The following ABL1 variants were observed in gnomAD, a reference collection of about 807,000 sequenced individuals.
ABL1 encodes ABL proto-oncogene 1, non-receptor tyrosine kinase, also known as tyrosine-protein kinase ABL1.
ABL1 carries 11 observed loss-of-function variants against 94.7 expected under a neutral mutation model. That is an observed-to-expected ratio of 0.12 (90% CI 0.07 to 0.19). ABL1 has a LOEUF of 0.19. Ranked by LOEUF, ABL1 falls within the 10% of genes least tolerant of loss-of-function variation. ABL1 has a pLI of 1.00. For missense variants in ABL1, 1,082 were observed against 1,489.4 expected (o/e 0.73, Z 4.50); for synonymous variants, 656 against 622.4 (o/e 1.05, Z -0.80).
intron 1 of ABL1, among the ~76,000 whole-genome samples, chr9:130,801,941 T>C (rs1267882288): frequency 6.6e-6 from 1 of 152,186 alleles, no homozygotes; most frequent in East Asian, 1.9e-4. Flanking sequence ...AGTATCTGCG[T>C]ATCATTAAGT....
At chr9:130,767,435 C>T (rs1832198083) in intron 1 of ABL1, among the ~76,000 whole-genome samples, 1 of 152,148 alleles carries the variant, frequency 6.6e-6, no homozygotes, top group African/African-American at 2.4e-5. Context: ...CGGGTTCAAG[C>T]GATTCTTGTG....
intron 1 of ABL1, among the ~76,000 whole-genome samples, chr9:130,726,259 T>C (rs1382582461): frequency 7.0e-6 from 1 of 143,666 alleles, no homozygotes; most frequent in Non-Finnish European, 1.5e-5. Flanking sequence ...TGCATTCCAC[T>C]ATCTTGCTTA....
Position 130,854,883 on chromosome 9 carries a change from A to G in ABL1, c.336A>G (p.Pro112=). 1 of 1,614,264 alleles carries G rather than the reference A, an allele frequency of 6.2e-7. No individual in the cohort carries two copies. Among genetic ancestry groups the G allele is most frequent in the Non-Finnish European group, 8.5e-7 (1 of 1,180,046 alleles). Residue 112 remains proline (P), a synonymous_variant, in exon 3 of 11, where the codon CCA becomes CCG. Coordinates refer to ENST00000318560, the MANE Select transcript of ABL1 (RefSeq NM_005157.6). ...AQTKNGQGWV[P]SNYITPVNSL... ...CCAAAAATGGCCAAGGCTGGGTCCC[A>G]AGCAACTACATCACGCCAGTCAACA...
At chr9:130,868,520 C>CTTTTTTTTTTTTTTTTT (rs71389371) in intron 4 of ABL1, among the ~76,000 whole-genome samples, 2 of 112,114 alleles carry the variant, frequency 1.8e-5, no homozygotes, top group Admixed American at 9.2e-5. Flanking sequence ...TTTTCTTTTT[C>CTTTTTTTTTTTTTTTTT]TTTTTTTTTT....
At chr9:130,809,399 AGAGAGAGAGAGAGAGAGAGT>A (rs914470613) in intron 1 of ABL1, among the ~76,000 whole-genome samples, 15 of 123,602 alleles carry the variant, frequency 1.2e-4, no homozygotes, top group Middle Eastern at 3.7e-3. Context: ...AGAGAGAGAG[AGAGAGAGAGAGAGAGAGAGT>A]GTGTGTGTGT....
intron 4 of ABL1, among the ~76,000 whole-genome samples, chr9:130,866,844 A>G (rs746069175): frequency 4.6e-5 from 7 of 152,062 alleles, no homozygotes; most frequent in Non-Finnish European, 1.0e-4. Context: ...AAGAAGCTCT[A>G]ATTTTTTTTG....
chr9:130,800,942 C>CT (rs1830046499), intron 1 of ABL1, among the ~76,000 whole-genome samples: 1 of 103,730 alleles, frequency 9.6e-6, no homozygotes. Flanking sequence ...TTTTTTTTTT[C>CT]TTTTTTTTGA....
At chr9:130,830,017 T>A (rs912706411) in intron 1 of ABL1, among the ~76,000 whole-genome samples, 4 of 152,236 alleles carry the variant, frequency 2.6e-5, no homozygotes, top group African/African-American at 9.6e-5. Flanking sequence ...TGTTTTTTAT[T>A]ACCAGATTTT....
At chr9:130,839,130 C>T (rs774636855) in intron 1 of ABL1, among the ~76,000 whole-genome samples, 4 of 151,598 alleles carry the variant, frequency 2.6e-5, no homozygotes, top group Admixed American at 1.3e-4. Context: ...CTAGTTTGCC[C>T]GGGCCAAGCC....
In ABL1 at chr9:130,777,409, C is replaced by T. The variant is rs112784917; in HGVS notation, c.136+62954C>T. Among the ~76,000 whole-genome samples, 778 of 97,252 alleles carry T rather than the reference C, an allele frequency of 8.0e-3. No individual in the cohort carries two copies. The Middle Eastern group carries it at 0.082, about 10-fold the overall frequency. 63.8% of individuals were successfully genotyped at this position (97,252 alleles called of 152,430 possible). A position where few individuals can be genotyped will look rare whatever the true frequency, so the allele number is the denominator to read the frequency against. On this transcript the variant is annotated intron_variant, in intron 1 of 10. Transcript: ENST00000372348. ...GGACGCTGACACACTGCATTAGTAC[C>T]TTCTAGACTATGAGCAGGGGAATCG...
At chr9:130,836,185 C>A (rs190193280) in intron 1 of ABL1, among the ~76,000 whole-genome samples, 10 of 152,260 alleles carry the variant, frequency 6.6e-5, no homozygotes, top group Admixed American at 6.5e-4. Context: ...TTTAAGAAGG[C>A]GTTTCCAAGG....
chr9:130,827,477 A>C (rs962453739), intron 1 of ABL1, among the ~76,000 whole-genome samples: 1 of 152,228 alleles, frequency 6.6e-6, no homozygotes, highest in Non-Finnish European at 1.5e-5. Flanking sequence ...TGGCCTGCCA[A>C]ATCTCTCTAG....
At chr9:130,859,941 A>T (rs1588271267) in intron 3 of ABL1, among the ~76,000 whole-genome samples, 2 of 152,082 alleles carry the variant, frequency 1.3e-5, no homozygotes, top group Admixed American at 1.3e-4. Context: ...GGCCTCCCAA[A>T]GTGCTGGGAT....
chr9:130,823,598 C>T (rs537956090), intron 1 of ABL1, among the ~76,000 whole-genome samples: 10 of 152,244 alleles, frequency 6.6e-5, no homozygotes, highest in African/African-American at 1.4e-4. Context: ...AAAATGCCCA[C>T]GCCAGCTGCC....
chr9:130,780,641 G>T (rs934382676), intron 1 of ABL1, among the ~76,000 whole-genome samples: 1 of 152,106 alleles, frequency 6.6e-6, no homozygotes, highest in Non-Finnish European at 1.5e-5. Flanking sequence ...CAGGAAGGAG[G>T]AGTTTTCTTT....
upstream of ABL1, chr9:130,833,915 A>G (rs1830524411): frequency 2.3e-6 from 1 of 429,878 alleles, no homozygotes; most frequent in Admixed American, 2.4e-5. Context: ...TCTGAAACAT[A>G]TAATGACAAT....
rs1014835753 is a variant in ABL1, at chr9:130,886,000, C to T, written c.*317C>T. On this transcript the variant is annotated 3_prime_UTR_variant, in exon 11 of 11. Coordinates refer to ENST00000318560, the MANE Select transcript of ABL1 (RefSeq NM_005157.6). The stretch of plus-strand genomic sequence containing the variant: ...CCCACCTAGTGCCCCAGACTGAGCT[C>T]TCCAGGCCAGGTGGGAACGGCTGAT... 16 of 368,316 alleles carry T rather than the reference C, an allele frequency of 4.3e-5. No individual in the cohort carries two copies. The highest frequency in any genetic ancestry group is 6.9e-5 in the Non-Finnish European group (14 of 203,156). 22.8% of individuals were successfully genotyped at this position (368,316 alleles called of 1,614,324 possible). A position where few individuals can be genotyped will look rare whatever the true frequency, so the allele number is the denominator to read the frequency against.
chr9:130,840,969 T>G (rs747314117), intron 1 of ABL1, among the ~76,000 whole-genome samples: 7 of 152,216 alleles, frequency 4.6e-5, no homozygotes, highest in Non-Finnish European at 1.0e-4. Context: ...TAATTATAAT[T>G]ACTTAGTTTT....
Position 130,862,763 on chromosome 9 carries a change from C to T in ABL1, c.550C>T (p.Leu184Phe). 6.2e-7 allele frequency: 1 copy of T among 1,613,350 alleles called. No homozygotes were observed. The highest frequency in any genetic ancestry group is 8.5e-7 in the Non-Finnish European group (1 of 1,179,730). Reference protein sequence around the residue: ...YRINTASDGKLYVSSESRFNT... With the variant: ...YRINTASDGKFYVSSESRFNT... ...GAAGGCTGTTCCCTGTTTCCTTCAG[C>T]TCTACGTCTCCTCCGAGAGCCGCTT... The change falls in exon 4 of 11, where the codon CTC becomes TTC. Residue 184 changes from leucine (L) to phenylalanine (F), a missense_variant and splice_region_variant. By Grantham distance (22) the Leu-to-Phe change is conservative. Around this residue, in one of 7 missense-constraint regions of ABL1, gnomAD observed 22 missense variants for 23.0 expected, o/e 0.96. Coordinates refer to ENST00000318560, the MANE Select transcript of ABL1 (RefSeq NM_005157.6). This position sits in a 1 kb window ranked among gnomAD's most constrained non-coding sequence, Gnocchi z 5.5.
Sources: allele counts gnomAD v4.1 joint callset (sites outside exome capture counted in the v4.1 genomes callset), GRCh38; gene constraint gnomAD v4.1.1; regional missense constraint gnomAD v4.1.1; non-coding constraint Gnocchi (gnomAD v3.1); transcripts MANE v1.5; gene names NCBI Gene and HGNC (gene_info 2026-07-23, HGNC 2026-07-21).